Variants in TAFA5 observed in about 807,000 individuals in gnomAD.
TAFA5 encodes the protein TAFA chemokine like family member 5.
Under a neutral mutation model 15.3 loss-of-function variants are expected in TAFA5, and 6 were observed. The ratio of observed to expected loss-of-function variants is 0.39; its 90% CI spans 0.21 to 0.77. TAFA5 has a LOEUF of 0.77. Among genes scored for constraint, TAFA5 ranks in the 30% least tolerant of loss-of-function variants. TAFA5 has a pLI of 0.41. For missense variants in TAFA5, 161 were observed against 193.1 expected, an observed-to-expected ratio of 0.83 and a Z score of 0.98; for synonymous variants, 103 against 80.7, an observed-to-expected ratio of 1.28 and a Z score of -1.48.
rs371795132 is a variant in TAFA5, at chr22:48,751,021, G to T, written c.*1174G>T. ...CACGGAAGGCGGGACTCTGGGAGAA[G>T]CGTGCGGAGGACCGTGGCGTCGGCG... On this transcript the variant is annotated 3_prime_UTR_variant, in exon 4 of 4. Transcript: ENST00000402357. The T allele has an allele frequency of 1.3e-5, 2 of 152,454 alleles. No individual in the cohort carries two copies. Among genetic ancestry groups the T allele is most frequent in the African/African-American group, 4.8e-5 (2 of 41,582 alleles). 9.4% of individuals were successfully genotyped at this position (152,454 alleles called of 1,614,324 possible).
rs143089376 is a variant in TAFA5 at position 48,554,072 on chromosome 22, C to T, written c.112+64368C>T. 3.9e-5 allele frequency among the ~76,000 whole-genome samples: 6 copies of T among 152,344 alleles called. No homozygotes were observed. In the East Asian group the frequency reaches 1.2e-3, roughly 29 times the overall value. ...TCCAGAACCCAGGTCCTCGGGCGGC[C>T]GCTCAGAAGAGCTCAGCTCCCGCCT... is the stretch of plus-strand genomic sequence containing the variant. On this transcript the variant is annotated intron_variant, in intron 1 of 3. Transcript: ENST00000402357.
chr22:48,628,023 G>A (rs1926085790), intron 1 of TAFA5, among the ~76,000 whole-genome samples: 1 of 151,434 alleles, frequency 6.6e-6, no homozygotes, highest in Non-Finnish European at 1.5e-5. Context: ...AGCGGAGGAT[G>A]CGATCCTGGT....
In TAFA5 at chr22:48,633,539, C is replaced by CTCTCTCTCTCT. The variant is rs1569056626; in HGVS notation, c.113-13058_113-13057insTCTCTCTCTCT. Among the ~76,000 whole-genome samples, 620 of 128,730 alleles carry CTCTCTCTCTCT rather than the reference C, an allele frequency of 4.8e-3. 18 individuals are homozygous for CTCTCTCTCTCT. Among genetic ancestry groups the CTCTCTCTCTCT allele is most frequent in the Middle Eastern group, 0.024 (5 of 212 alleles). 84.5% of individuals were successfully genotyped at this position (128,730 alleles called of 152,430 possible). A position where few individuals can be genotyped will look rare whatever the true frequency, so the allele number is the denominator to read the frequency against. ...CTGTCTGTCTGTCTGTCTGTCTCTC[C>CTCTCTCTCTCT]CTCTCTCTCTCTCTCTCTCCATCTC... On this transcript the variant is annotated intron_variant, in intron 1 of 3. Transcript: ENST00000402357.
At chr22:48,542,564 GGT>G (rs151287754) in intron 1 of TAFA5, among the ~76,000 whole-genome samples, 32 of 91,392 alleles carry the variant, frequency 3.5e-4, no homozygotes, top group African/African-American at 1.3e-3. Flanking sequence ...ATGTGTGTGT[GGT>G]GTGTGTGGTG....
In TAFA5 at chr22:48,750,017, G is replaced by T; in HGVS notation, c.*170G>T. The T allele has an allele frequency of 2.9e-6, 2 of 682,300 alleles. No homozygotes were observed. Among genetic ancestry groups the T allele is most frequent in the Non-Finnish European group, 2.5e-6 (1 of 397,382 alleles). The allele number at this position is 682,300 out of a possible 1,614,324, so 42.3% of individuals were successfully genotyped here. A position where few individuals can be genotyped will look rare whatever the true frequency, so the allele number is the denominator to read the frequency against. On this transcript the variant is annotated 3_prime_UTR_variant, in exon 4 of 4. Transcript: ENST00000402357. ...CTCAGGCCTTGGCATCCTGAGCTTC[G>T]GTCTGTCCAGCCGACCCGAGGAGGC...
intron 3 of TAFA5, among the ~76,000 whole-genome samples, chr22:48,723,186 C>T (rs1929620605): frequency 6.6e-6 from 1 of 152,242 alleles, no homozygotes; most frequent in African/African-American, 2.4e-5. Context: ...CAGATAGCAG[C>T]ACACAGGATA....
chr22:48,711,768 C>G (rs1486877034), intron 3 of TAFA5, among the ~76,000 whole-genome samples: 3 of 152,224 alleles, frequency 2.0e-5, no homozygotes, highest in African/African-American at 7.2e-5. Context: ...GAGCTGGCCT[C>G]CAGCCCAGGC....
intron 1 of TAFA5, among the ~76,000 whole-genome samples, chr22:48,532,917 G>A (rs951073036): frequency 6.6e-6 from 1 of 152,214 alleles, no homozygotes; most frequent in Non-Finnish European, 1.5e-5. Context: ...CCATGTCCAG[G>A]GTGAGAAAGT....
chr22:48,547,979 C>T (rs138505111), intron 1 of TAFA5, among the ~76,000 whole-genome samples: 76 of 152,360 alleles, frequency 5.0e-4, no homozygotes, highest in Non-Finnish European at 9.6e-4. Flanking sequence ...CCCTGTCCTC[C>T]AGCCCCAGTC....
Position 48,552,755 on chromosome 22 carries a change from C to T in TAFA5, c.112+63051C>T, listed in dbSNP as rs1419573455. ...AAACCTTAAATAAACATTTATCATC[C>T]TCCGAGGGGCCCGGCCAGGCTCCCA... On this transcript the variant is annotated intron_variant, in intron 1 of 3. Transcript: ENST00000402357. This position sits in a 1 kb window ranked among gnomAD's most constrained non-coding sequence, Gnocchi z 4.1. 2.6e-5 allele frequency among the ~76,000 whole-genome samples: 4 copies of T among 152,156 alleles called. No homozygotes were observed. The highest frequency in any genetic ancestry group is 2.0e-4 in the Admixed American group (3 of 15,286).
At chr22:48,607,867 T>A (rs1314227754) in intron 1 of TAFA5, among the ~76,000 whole-genome samples, 1 of 152,154 alleles carries the variant, frequency 6.6e-6, no homozygotes, top group African/African-American at 2.4e-5. Flanking sequence ...AGTCCTGCCC[T>A]TTTCTGACCA....
At chr22:48,625,229 A>G (rs1263727824) in intron 1 of TAFA5, among the ~76,000 whole-genome samples, 1 of 152,044 alleles carries the variant, frequency 6.6e-6, no homozygotes, top group Non-Finnish European at 1.5e-5. Context: ...CGACAGAGGG[A>G]GGAGATGCAT....
chr22:48,733,114 A>G (rs934757709), intron 3 of TAFA5, among the ~76,000 whole-genome samples: 2 of 152,228 alleles, frequency 1.3e-5, no homozygotes, highest in Middle Eastern at 3.2e-3. Context: ...TGAACCCACC[A>G]TATCTCTGAG....
intron 3 of TAFA5, among the ~76,000 whole-genome samples, chr22:48,718,758 C>A (rs117004291): frequency 0.053 from 8,045 of 152,262 alleles, 308 homozygotes; most frequent in Admixed American, 0.09. Context: ...GTTCCACCCC[C>A]GCCCCCCAAC....
chr22:48,548,538 A>G (rs1305958381), intron 1 of TAFA5, among the ~76,000 whole-genome samples: 2 of 152,206 alleles, frequency 1.3e-5, no homozygotes, highest in African/African-American at 4.8e-5. Flanking sequence ...CAGTGGGGTC[A>G]GACTGGACCC....
At chr22:48,591,385 C>T (rs1414389003) in intron 1 of TAFA5, among the ~76,000 whole-genome samples, 2 of 152,234 alleles carry the variant, frequency 1.3e-5, no homozygotes, top group Admixed American at 1.3e-4. Flanking sequence ...CAAGCCACCC[C>T]TCTGGGTCCT....
At chr22:48,644,470 C>T (rs987916000) in intron 1 of TAFA5, among the ~76,000 whole-genome samples, 29 of 152,212 alleles carry the variant, frequency 1.9e-4, no homozygotes, top group African/African-American at 6.5e-4. Context: ...TGGGGCAGGC[C>T]GGTCTGGTGC....
chr22:48,655,139 G>A (rs1927189745), intron 2 of TAFA5, among the ~76,000 whole-genome samples: 1 of 152,148 alleles, frequency 6.6e-6, no homozygotes, highest in African/African-American at 2.4e-5. Context: ...GGGTCCTTCA[G>A]CAGCAGGCAT....
At chr22:48,615,656 C>G (rs894444637) in intron 1 of TAFA5, among the ~76,000 whole-genome samples, 2 of 152,230 alleles carry the variant, frequency 1.3e-5, no homozygotes, top group African/African-American at 4.8e-5. Flanking sequence ...ATGAAGGGCA[C>G]TCTCTAGACT....
Sources: allele counts gnomAD v4.1 joint callset (sites outside exome capture counted in the v4.1 genomes callset), GRCh38; gene constraint gnomAD v4.1.1; non-coding constraint Gnocchi (gnomAD v3.1); transcripts MANE v1.5; gene names NCBI Gene and HGNC (gene_info 2026-07-23, HGNC 2026-07-21).